The following KCNJ15 variants were observed in gnomAD, a reference collection of about 807,000 sequenced individuals.
KCNJ15 encodes the protein potassium inwardly rectifying channel subfamily J member 15, also known as ATP-sensitive inward rectifier potassium channel 15.
Under a neutral mutation model 23.0 loss-of-function variants are expected in KCNJ15, and 14 were observed. The ratio of observed to expected loss-of-function variants is 0.61; its 90% CI spans 0.40 to 0.95. KCNJ15 has a LOEUF of 0.95. Among genes scored for constraint, KCNJ15 ranks in the 40% least tolerant of loss-of-function variants. KCNJ15 has a pLI of 0.00. For synonymous variants in KCNJ15, 185 were observed against 183.2 expected, an observed-to-expected ratio of 1.01 and a Z score of -0.08; for missense variants, 388 against 461.8, an observed-to-expected ratio of 0.84 and a Z score of 1.46.
intron 1 of KCNJ15, among the ~76,000 whole-genome samples, chr21:38,245,685 GAAGA>G (rs1045424701): frequency 5.3e-5 from 8 of 150,014 alleles, no homozygotes; most frequent in South Asian, 2.1e-4. Context: ...GAAGGAAAGG[GAAGA>G]AAGAAAGAAG....
intron 1 of KCNJ15, among the ~76,000 whole-genome samples, chr21:38,246,153 C>G (rs1979359483): frequency 2.0e-5 from 3 of 152,112 alleles, no homozygotes. Flanking sequence ...ATTCCTGATC[C>G]ACAGCAAACC....
intron 1 of KCNJ15, among the ~76,000 whole-genome samples, chr21:38,247,281 G>T (rs1277826196): frequency 6.7e-6 from 1 of 150,204 alleles, no homozygotes; most frequent in Non-Finnish European, 1.5e-5. Context: ...TGGCTAAATG[G>T]ATAGATGGAT....
intron 1 of KCNJ15, among the ~76,000 whole-genome samples, chr21:38,282,834 C>T (rs747104758): frequency 2.6e-5 from 4 of 152,046 alleles, no homozygotes; most frequent in Non-Finnish European, 5.9e-5. Flanking sequence ...TACAGCAGCA[C>T]AGTAAGTATT....
intron 1 of KCNJ15, among the ~76,000 whole-genome samples, chr21:38,234,749 T>C (rs1978488570): frequency 6.6e-6 from 1 of 152,198 alleles, no homozygotes; most frequent in Admixed American, 6.5e-5. Context: ...CAAATATGAG[T>C]TTATGCATAA....
rs1482730120 is a variant in KCNJ15, at chr21:38,288,058, T to G, written c.-116-8868T>G. ...TTTTTTTTTTTTTTTTTTTTTTTTT[T>G]GAGATGGAGTCTCACTCTGTTGCCC... On this transcript the variant is annotated intron_variant, in intron 1 of 2. Coordinates refer to ENST00000398938, the MANE Select transcript of KCNJ15 (RefSeq NM_170736.3). 2.2e-5 allele frequency among the ~76,000 whole-genome samples: 3 copies of G among 135,448 alleles called. No individual in the cohort carries two copies. In the Admixed American group the frequency reaches 2.2e-4, roughly 10 times the overall value. 88.9% of individuals were successfully genotyped at this position (135,448 alleles called of 152,430 possible). A position where few individuals can be genotyped will look rare whatever the true frequency, so the allele number is the denominator to read the frequency against.
At chr21:38,287,686 G>A (rs1984059735) in intron 1 of KCNJ15, among the ~76,000 whole-genome samples, 2 of 152,076 alleles carry the variant, frequency 1.3e-5, no homozygotes, top group Admixed American at 6.6e-5. Context: ...ATAGTCCTCC[G>A]GCTAATTAAC....
Position 38,299,538 on chromosome 21 carries a change from G to A in KCNJ15, c.277G>A (p.Gly93Arg), listed in dbSNP as rs1402279942. The A allele has an allele frequency of 6.2e-7, 1 of 1,613,992 alleles. No homozygotes were observed. The highest frequency in any genetic ancestry group is 8.5e-7 in the Non-Finnish European group (1 of 1,180,028). The change falls in exon 3 of 3, where the codon GGG becomes AGG. Residue 93 changes from glycine to arginine, a missense_variant. Coordinates refer to ENST00000398938, the MANE Select transcript of KCNJ15 (RefSeq NM_170736.3). The surrounding 1 kb of genome is among the most constrained non-coding windows in gnomAD (Gnocchi z 4.5). ...CTACTATGCCATCGCGTTTATTCAT[G>A]GGGACTTAGAACCCGGTGAGCCCAT... is the stretch of plus-strand genomic sequence containing the variant. ...VIYYAIAFIH[G>R]DLEPGEPISN...
At chr21:38,281,966 G>A (rs1221072682) in intron 1 of KCNJ15, among the ~76,000 whole-genome samples, 2 of 152,136 alleles carry the variant, frequency 1.3e-5, no homozygotes, top group African/African-American at 4.8e-5. Context: ...CATTCTGACT[G>A]GTGTGAGATG....
chr21:38,293,491 C>G (rs939326667), intron 1 of KCNJ15, among the ~76,000 whole-genome samples: 3 of 152,188 alleles, frequency 2.0e-5, no homozygotes, highest in Non-Finnish European at 4.4e-5. Flanking sequence ...TAGTTGGGAG[C>G]AACATACATC....
chr21:38,260,400 G>A (rs112873027), intron 1 of KCNJ15, among the ~76,000 whole-genome samples: 444 of 150,834 alleles, frequency 2.9e-3, no homozygotes, highest in Middle Eastern at 0.017. Context: ...CAAGGGAAAG[G>A]TCAGAACTCC....
chr21:38,280,884 T>C, intron 1 of KCNJ15, among the ~76,000 whole-genome samples: 1 of 152,198 alleles, frequency 6.6e-6, no homozygotes. Context: ...CTATTGTATA[T>C]GTCTAGAGTG....
At chr21:38,256,360 T>C (rs940476563), upstream of KCNJ15, among the ~76,000 whole-genome samples, 8 of 106,216 alleles carry the variant, frequency 7.5e-5, no homozygotes, top group African/African-American at 3.4e-4. Context: ...TCTATTCAGC[T>C]TATATATATA....
intron 1 of KCNJ15, among the ~76,000 whole-genome samples, chr21:38,280,085 C>T (rs193012150): frequency 1.5e-4 from 23 of 152,236 alleles, no homozygotes; most frequent in Middle Eastern, 3.4e-3. Flanking sequence ...CCCTCTTGAA[C>T]ATGTCAAAGT....
chr21:38,230,494 T>G (rs1270689991), intron 1 of KCNJ15, among the ~76,000 whole-genome samples: 1 of 152,184 alleles, frequency 6.6e-6, no homozygotes, highest in Non-Finnish European at 1.5e-5. Flanking sequence ...TCTTTTCACT[T>G]TCCTGATTGT....
rs192785149 is a variant in KCNJ15, at chr21:38,248,721, T to G, written c.-398-8325T>G. 1.7e-3 allele frequency among the ~76,000 whole-genome samples: 263 copies of G among 152,310 alleles called. 1 individual carries two copies. Among genetic ancestry groups the G allele is most frequent in the African/African-American group, 5.8e-3 (243 of 41,556 alleles). On this transcript the variant is annotated intron_variant, in intron 1 of 4. Transcript: ENST00000547341. Reference sequence around the variant, plus strand: ...AGAACTCCTGTATTATAAGATGGCTTTGCACATGATTGTTCCTAGAGGTGA... The same window carrying G: ...AGAACTCCTGTATTATAAGATGGCTGTGCACATGATTGTTCCTAGAGGTGA...
intron 1 of KCNJ15, among the ~76,000 whole-genome samples, chr21:38,245,693 AAAG>A (rs755339059): frequency 3.9e-5 from 6 of 151,986 alleles, no homozygotes; most frequent in Admixed American, 6.6e-5. Flanking sequence ...GGGAAGAAAG[AAAG>A]AAGGAAAGGA....
At position 38,302,058 on chromosome 21, in the gene KCNJ15, G is replaced by A. The variant is rs867337194; in HGVS notation, c.*1669G>A. 24 of 125,478 alleles carry A rather than the reference G, an allele frequency of 1.9e-4. No individual in the cohort carries two copies. The highest frequency in any genetic ancestry group is 1.1e-3 in the African/African-American group (20 of 18,988). The allele number at this position is 125,478 out of a possible 1,614,324, so 7.8% of individuals were successfully genotyped here. On this transcript the variant is annotated 3_prime_UTR_variant, in exon 3 of 3. Coordinates refer to ENST00000398938, the MANE Select transcript of KCNJ15 (RefSeq NM_170736.3). ...TAAACACATGCACACATGCACACACGCGCACACATGCACACACGCACACAC... is the reference window on the plus strand; with the variant it reads ...TAAACACATGCACACATGCACACACACGCACACATGCACACACGCACACAC...
Position 38,300,623 on chromosome 21 carries a change from A to C in KCNJ15, c.*234A>C. On this transcript the variant is annotated 3_prime_UTR_variant, in exon 3 of 3. Coordinates refer to ENST00000398938, the MANE Select transcript of KCNJ15 (RefSeq NM_170736.3). ...TGAACTCTCATAATTCAAATTGTATAAAATAAAGCTACATTTCTAAGAGCT... is the reference window on the plus strand; with the variant it reads ...TGAACTCTCATAATTCAAATTGTATCAAATAAAGCTACATTTCTAAGAGCT... 2.1e-6 allele frequency: 1 copy of C among 484,052 alleles called. No homozygotes were observed. The highest frequency in any genetic ancestry group is 3.9e-5 in the Admixed American group (1 of 25,772). The allele number at this position is 484,052 out of a possible 1,614,324, so 30.0% of individuals were successfully genotyped here. A position where few individuals can be genotyped will look rare whatever the true frequency, so the allele number is the denominator to read the frequency against.
chr21:38,242,849 T>C (rs1054929860), intron 1 of KCNJ15, among the ~76,000 whole-genome samples: 1 of 152,182 alleles, frequency 6.6e-6, no homozygotes, highest in South Asian at 2.1e-4. Context: ...AGTAAGCTCG[T>C]CTGGGTAGGA....
Sources: gnomAD v4.1 joint callset for allele counts (sites outside exome capture counted in the v4.1 genomes callset) on GRCh38, gnomAD v4.1.1 for gene constraint, Gnocchi (gnomAD v3.1) non-coding constraint, MANE v1.5 for transcripts, NCBI Gene and HGNC (gene_info 2026-07-23, HGNC 2026-07-21) for gene names.